ACTR3C: variants seen among roughly 807,000 people sequenced by gnomAD.
ACTR3C encodes the protein actin related protein 3C, also known as actin-related protein 3C.
ACTR3C carries 18 observed loss-of-function variants against 26.3 expected under a neutral mutation model. The ratio of observed to expected loss-of-function variants is 0.68; its 90% CI spans 0.47 to 1.01. The LOEUF (loss-of-function observed/expected upper bound fraction) is 1.01, where lower values mean the gene tolerates loss of function less well. Ranked by LOEUF, ACTR3C falls within the 50% of genes least tolerant of loss-of-function variation. The probability of loss-of-function intolerance (pLI) is 0.00; values close to 1 mark genes in which losing one functional copy is unlikely to be tolerated. For missense variants in ACTR3C, 184 were observed against 250.7 expected, an observed-to-expected ratio of 0.73 and a Z score of 1.80; for synonymous variants, 55 against 94.5, an observed-to-expected ratio of 0.58 and a Z score of 2.42.
chr7:149,945,220 C>T, the ACTR3C span, among the ~76,000 whole-genome samples: 34,634 of 151,612 alleles, frequency 0.23, 4,544 homozygotes, highest in South Asian at 0.35. Context: ...CAGCTGCAGT[C>T]GAATGCCATC....
At chr7:150,096,614 C>G in the ACTR3C span, among the ~76,000 whole-genome samples, 1 of 151,776 alleles carries the variant, frequency 6.6e-6, no homozygotes, top group South Asian at 2.1e-4. Context: ...TTCCAGGGTC[C>G]AGAGAGATCA....
the ACTR3C span, among the ~76,000 whole-genome samples, chr7:150,090,860 T>TA: frequency 6.6e-6 from 1 of 152,190 alleles, no homozygotes; most frequent in Non-Finnish European, 1.5e-5. Context: ...GCTACATCCT[T>TA]ACATCTTTTC....
At chr7:150,102,381 T>A in the ACTR3C span, among the ~76,000 whole-genome samples, 1 of 152,054 alleles carries the variant, frequency 6.6e-6, no homozygotes, top group Non-Finnish European at 1.5e-5. Context: ...GAATATTTGA[T>A]TGAATATTCA....
the ACTR3C span, among the ~76,000 whole-genome samples, chr7:149,972,438 C>T: frequency 2.0e-5 from 3 of 152,236 alleles, no homozygotes; most frequent in Non-Finnish European, 4.4e-5. Context: ...TCTGCCTGCT[C>T]CCACAGTGCT....
chr7:150,302,126 A>G (rs1795475396), intron 1 of ACTR3C, among the ~76,000 whole-genome samples: 1 of 152,226 alleles, frequency 6.6e-6, no homozygotes, highest in Admixed American at 6.5e-5. Flanking sequence ...CAGGGCATGA[A>G]CAGACAGCTC....
the ACTR3C span, among the ~76,000 whole-genome samples, chr7:149,897,024 G>A: frequency 1.4e-5 from 2 of 142,498 alleles, no homozygotes; most frequent in African/African-American, 2.7e-5. Context: ...TCGCGCCACT[G>A]CACTCCAGCC....
chr7:149,909,792 G>A, the ACTR3C span: 152 of 281,810 alleles, frequency 5.4e-4, no homozygotes, highest in Non-Finnish European at 7.7e-4. Context: ...AGCTCTCCAA[G>A]TCCTAAAATA....
the ACTR3C span, among the ~76,000 whole-genome samples, chr7:150,163,370 A>G: frequency 6.2e-4 from 86 of 139,378 alleles, no homozygotes; most frequent in African/African-American, 1.5e-3. Flanking sequence ...GTGTGTATAT[A>G]TATATATGTG....
downstream of ACTR3C, chr7:150,246,512 C>T (rs1373069256): frequency 6.6e-6 from 1 of 152,090 alleles, no homozygotes; most frequent in Non-Finnish European, 1.5e-5. Context: ...GGTGAACTGT[C>T]ATTTCCAATA....
chr7:150,090,059 C>T, the ACTR3C span, among the ~76,000 whole-genome samples: 3 of 152,158 alleles, frequency 2.0e-5, no homozygotes, highest in African/African-American at 4.8e-5. Context: ...TGCATCAATG[C>T]CACAGAAAGG....
At chr7:150,198,689 A>G in the ACTR3C span, among the ~76,000 whole-genome samples, 1 of 138,558 alleles carries the variant, frequency 7.2e-6, no homozygotes, top group Non-Finnish European at 1.6e-5. Flanking sequence ...TCCGCCCGGC[A>G]GCCACCCCAT....
At chr7:150,175,815 CAAAAA>C in the ACTR3C span, among the ~76,000 whole-genome samples, 1 of 46,264 alleles carries the variant, frequency 2.2e-5, no homozygotes, top group Non-Finnish European at 4.2e-5. Context: ...TCCATCTGAA[CAAAAA>C]AAAAAAAAAA....
chr7:149,882,841 G>GA, the ACTR3C span, among the ~76,000 whole-genome samples: 1 of 152,160 alleles, frequency 6.6e-6, no homozygotes. Flanking sequence ...TCATGGGAGT[G>GA]AAAAATTACA....
chr7:149,905,588 A>G, the ACTR3C span, among the ~76,000 whole-genome samples: 2 of 151,172 alleles, frequency 1.3e-5, no homozygotes, highest in Non-Finnish European at 2.9e-5. Context: ...AGAATAAAAA[A>G]GTATCTGCGA....
chr7:149,944,602 C>T, the ACTR3C span, among the ~76,000 whole-genome samples: 31 of 150,236 alleles, frequency 2.1e-4, no homozygotes, highest in African/African-American at 7.0e-4. Context: ...AGCTGCTGGT[C>T]GCACCCCATC....
chr7:150,310,916 G>A (rs952033253), intron 1 of ACTR3C, among the ~76,000 whole-genome samples: 2 of 152,074 alleles, frequency 1.3e-5, no homozygotes, highest in Non-Finnish European at 2.9e-5. Flanking sequence ...AGGCTCAAAT[G>A]TCTTCCCCTA....
chr7:150,153,381 AAAC>A, the ACTR3C span, among the ~76,000 whole-genome samples: 1 of 146,538 alleles, frequency 6.8e-6, no homozygotes, highest in African/African-American at 2.6e-5. Context: ...TACAAGAAAA[AAAC>A]AAACAACCCC....
At chr7:149,966,935 C>T in the ACTR3C span, among the ~76,000 whole-genome samples, 1 of 151,492 alleles carries the variant, frequency 6.6e-6, no homozygotes, top group East Asian at 1.9e-4. Context: ...GATCTCGGCT[C>T]ACTGCAACCT....
chr7:150,189,958 A>G, the ACTR3C span, among the ~76,000 whole-genome samples: 1 of 150,646 alleles, frequency 6.6e-6, no homozygotes, highest in South Asian at 2.1e-4. Context: ...ATACATGTTT[A>G]ACATTATCAG....
Sources: allele counts gnomAD v4.1 joint callset (sites outside exome capture counted in the v4.1 genomes callset), GRCh38; gene constraint gnomAD v4.1.1; transcripts MANE v1.5; gene names NCBI Gene and HGNC (gene_info 2026-07-23, HGNC 2026-07-21).